The following AIFM1 variants were observed in gnomAD, a reference collection of about 807,000 sequenced individuals.
AIFM1 encodes apoptosis-inducing factor 1, mitochondrial.
In AIFM1, 3 loss-of-function variants were observed where a neutral mutation model predicts 51.7. The observed-to-expected ratio is 0.06, with a 90% CI of 0.03 to 0.15. The LOEUF (loss-of-function observed/expected upper bound fraction) is 0.15, where lower values mean the gene tolerates loss of function less well. Ranked by LOEUF, AIFM1 falls within the 10% of genes least tolerant of loss-of-function variation. AIFM1 has a pLI of 1.00. For missense variants in AIFM1, 330 were observed against 476.8 expected (o/e 0.69, Z 2.87); for synonymous variants, 178 against 179.4 (o/e 0.99, Z 0.06).
chrX:130,161,412 G>A (rs1178492214), intron 1 of AIFM1, among the ~76,000 whole-genome samples: 2 of 105,275 alleles, frequency 1.9e-5, no homozygotes, highest in Non-Finnish European at 3.9e-5. Context: ...TCGGGAGGCT[G>A]AGGCAGGAGA....
chrX:130,153,545 T>C (rs772370086), intron 2 of AIFM1, among the ~76,000 whole-genome samples: 1 of 111,199 alleles, frequency 9.0e-6, no homozygotes, highest in South Asian at 3.8e-4. Context: ...ATGTTTCCTA[T>C]TCCTATATTG....
Position 130,133,383 on chromosome X carries a change from C to T in AIFM1, c.1378G>A (p.Val460Met). 2 of 1,211,074 alleles carry T rather than the reference C, an allele frequency of 1.7e-6. No homozygotes were observed. The highest frequency in any genetic ancestry group is 2.2e-6 in the Non-Finnish European group (2 of 895,306). Residue 460 changes from valine to methionine, a missense_variant, in exon 13 of 16, where the codon GTG becomes ATG. Around this residue, in one of 4 missense-constraint regions of AIFM1, gnomAD observed 152 missense variants for 292.8 expected, o/e 0.52. Transcript: ENST00000287295. The part of the protein sequence containing the change: ...RRVEHHDHAV[V>M]SGRLAGENMT... ...TTTTCTCCAGCCAATCTTCCACTCA[C>T]AACAGCGTGATCATGGTGCTCTACC...
chrX:130,137,383 A>G (rs2030391120), intron 9 of AIFM1, 198 bp from the exon 10 acceptor site: 10 of 1,154,762 alleles, frequency 8.7e-6, no homozygotes, highest in South Asian at 7.8e-5. Context: ...TACAACAGGT[A>G]TCAGAACTGC....
intron 1 of AIFM1, among the ~76,000 whole-genome samples, chrX:130,159,700 C>T (rs1345360401): frequency 2.8e-5 from 3 of 108,840 alleles, no homozygotes; most frequent in Non-Finnish European, 5.7e-5. Context: ...ATATCATACT[C>T]ATGTTTATTC....
At chrX:130,135,439 T>TTTAAAAA (rs33994471) in intron 12 of AIFM1, among the ~76,000 whole-genome samples, 1 of 72,941 alleles carries the variant, frequency 1.4e-5, no homozygotes, top group Non-Finnish European at 2.4e-5. Flanking sequence ...TTTTTTTTTT[T>TTTAAAAA]AAAAAAAAAA....
chrX:130,155,850 C>T (rs5977214), intron 2 of AIFM1, among the ~76,000 whole-genome samples: 2 of 111,660 alleles, frequency 1.8e-5, no homozygotes, highest in Non-Finnish European at 3.8e-5. Flanking sequence ...CTAAGCTGAT[C>T]GGAGTTCATT....
intron 6 of AIFM1, among the ~76,000 whole-genome samples, chrX:130,143,983 G>A (rs759426762): frequency 4.7e-4 from 53 of 111,781 alleles, no homozygotes; most frequent in Admixed American, 4.1e-3. Context: ...CTAGCTATGT[G>A]AGTTTAGGCA....
intron 6 of AIFM1, among the ~76,000 whole-genome samples, chrX:130,143,312 T>A (rs963114666): frequency 8.9e-6 from 1 of 112,138 alleles, no homozygotes; most frequent in African/African-American, 3.2e-5. Context: ...GATATTCCAC[T>A]TCATACTTAA....
At chrX:130,158,947 G>A (rs974716525) in intron 1 of AIFM1, among the ~76,000 whole-genome samples, 4 of 110,659 alleles carry the variant, frequency 3.6e-5, no homozygotes, top group African/African-American at 6.6e-5. Context: ...GGCCACAGAC[G>A]GGTAAAAACA....
rs941729618 is a variant in AIFM1, at chrX:130,151,745, A to C, written c.250-2177T>G. 1.2e-4 allele frequency among the ~76,000 whole-genome samples: 14 copies of C among 112,554 alleles called. 1 individual carries two copies. The highest frequency in any genetic ancestry group is 9.4e-5 in the Admixed American group (1 of 10,608). On this transcript the variant is annotated intron_variant, in intron 2 of 15. Transcript: ENST00000287295. ...CTCATATCTTAAAAACATTTCTTTT[A>C]AGAAAGGGACTTTAGCCAGGCGCAG...
At chrX:130,149,635 T>C in intron 2 of AIFM1, 67 bp from the exon 3 acceptor site, 1 of 787,224 alleles carries the variant, frequency 1.3e-6, no homozygotes, top group Non-Finnish European at 1.9e-6. Context: ...AGTAATATTA[T>C]CTTTCAATTA....
chrX:130,130,023 C>A lies in AIFM1; in HGVS notation c.1717G>T (p.Val573Phe). The part of the protein sequence containing the change: ...GVIFYLRDKV[V>F]VGIVLWNIFN... ...ATGTTCCATAGCACAATCCCCACGA[C>A]CACTTTGTCCCTGAGGTAGAAGATG... The change falls in exon 15 of 16, where the codon GTC (valine) becomes TTC (phenylalanine). Residue 573 changes from valine (V) to phenylalanine (F), a missense_variant. Physicochemically the swap from Val to Phe is conservative, Grantham distance 50. This residue lies in a region of AIFM1 where 56 missense variants were observed against 48.8 expected (regional missense o/e 1.15). Transcript: ENST00000287295. 8.3e-7 allele frequency: 1 copy of A among 1,211,736 alleles called. No homozygotes were observed. Among genetic ancestry groups the A allele is most frequent in the Non-Finnish European group, 1.1e-6 (1 of 895,526 alleles).
intron 8 of AIFM1, among the ~76,000 whole-genome samples, chrX:130,139,529 G>GA (rs1302935480): frequency 3.2e-4 from 36 of 111,249 alleles, no homozygotes; most frequent in African/African-American, 1.1e-3. Flanking sequence ...AACACATCAG[G>GA]AAAAAACAAC....
intron 3 of AIFM1, among the ~76,000 whole-genome samples, chrX:130,148,833 C>CAAAAAA (rs56353862): frequency 4.6e-5 from 1 of 21,524 alleles, no homozygotes; most frequent in Non-Finnish European, 7.3e-5. Flanking sequence ...AACTCCATCT[C>CAAAAAA]AAAAAAAAAA....
chrX:130,130,745 A>G (rs1427252452), intron 14 of AIFM1, among the ~76,000 whole-genome samples: 2 of 112,182 alleles, frequency 1.8e-5, no homozygotes, highest in Non-Finnish European at 3.8e-5. Context: ...CTTTAGACAA[A>G]GCAGAAGGCA....
intron 8 of AIFM1, 48 bp from the exon 9 acceptor site, chrX:130,138,749 G>A (rs752689633): frequency 1.1e-6 from 1 of 872,979 alleles, no homozygotes; most frequent in South Asian, 2.0e-5. Flanking sequence ...AAGGGGCATA[G>A]GATAATAATA....
At chrX:130,159,737 A>G (rs1054343958) in intron 1 of AIFM1, among the ~76,000 whole-genome samples, 21 of 108,400 alleles carry the variant, frequency 1.9e-4, no homozygotes, top group African/African-American at 7.1e-4. Flanking sequence ...TCACAAACTG[A>G]TAATACTAAC....
intron 2 of AIFM1, among the ~76,000 whole-genome samples, chrX:130,152,642 G>A (rs2031022565): frequency 8.9e-6 from 1 of 111,908 alleles, no homozygotes; most frequent in Admixed American, 9.5e-5. Context: ...CTATTCTAAA[G>A]GCCACTTTGG....
At position 130,142,746 on chromosome X, in the gene AIFM1, A is replaced by G. The variant is rs767644401; in HGVS notation, c.697-2129T>C. ...CTGCAACCTCCGCCTCCTGGGTTCA[A>G]GCGATTCTCGTGCTTCAGCCTCCTG... On this transcript the variant is annotated intron_variant, in intron 6 of 15. Transcript: ENST00000287295. Among the ~76,000 whole-genome samples, 5 of 111,311 alleles carry G rather than the reference A, an allele frequency of 4.5e-5. No homozygotes were observed. In the East Asian group the frequency reaches 1.4e-3, roughly 31 times the overall value.
Sources: allele counts gnomAD v4.1 joint callset (sites outside exome capture counted in the v4.1 genomes callset), GRCh38; gene constraint gnomAD v4.1.1; regional missense constraint gnomAD v4.1.1; transcripts MANE v1.5; gene names NCBI Gene and HGNC (gene_info 2026-07-23, HGNC 2026-07-21).